Variants in NBAS observed in about 807,000 individuals in gnomAD.
NBAS encodes NAG/BC035112 fusion.
NBAS carries 219 observed loss-of-function variants against 302.5 expected under a neutral mutation model. That is an observed-to-expected ratio of 0.72 (90% CI 0.65 to 0.81). The LOEUF (loss-of-function observed/expected upper bound fraction) is 0.81. Among genes scored for constraint, NBAS ranks in the 30% least tolerant of loss-of-function variants. The pLI is 0.00. For synonymous variants in NBAS, 1,118 were observed against 1,021.6 expected (o/e 1.09, Z -1.80); for missense variants, 2,932 against 2,841.6 (o/e 1.03, Z -0.72).
chr2:14,795,619 A>T, the NBAS span, among the ~76,000 whole-genome samples: 1 of 152,216 alleles, frequency 6.6e-6, no homozygotes, highest in African/African-American at 2.4e-5. Context: ...TCTTGGTGTT[A>T]TATCAAAAAG....
chr2:15,158,463 TC>T, the NBAS span, among the ~76,000 whole-genome samples: 2 of 152,320 alleles, frequency 1.3e-5, no homozygotes, highest in South Asian at 4.1e-4. Flanking sequence ...AATCTGCTCT[TC>T]CTCCTGACAG....
chr2:14,860,623 T>C, the NBAS span, among the ~76,000 whole-genome samples: 1 of 152,156 alleles, frequency 6.6e-6, no homozygotes, highest in Non-Finnish European at 1.5e-5. Context: ...ATATGGGAGC[T>C]ACAAAAGTGA....
the NBAS span, among the ~76,000 whole-genome samples, chr2:14,826,788 C>T: frequency 4.9e-3 from 749 of 152,340 alleles, 11 homozygotes; most frequent in South Asian, 0.036. Flanking sequence ...CCTAAACCTC[C>T]AGTCCCAAAG....
chr2:15,277,961 G>A (rs1306763577), intron 42 of NBAS, among the ~76,000 whole-genome samples: 1 of 152,070 alleles, frequency 6.6e-6, no homozygotes. Flanking sequence ...CCTTCAGGCA[G>A]CCCTGCATTC....
chr2:15,186,691 T>C, intron 50 of NBAS, 51 bp downstream of exon 50: 1 of 1,612,896 alleles, frequency 6.2e-7, no homozygotes. Context: ...AATAAAGAGT[T>C]CTGATAAGCA....
At chr2:15,046,563 T>C in the NBAS span, among the ~76,000 whole-genome samples, 2 of 152,198 alleles carry the variant, frequency 1.3e-5, no homozygotes, top group African/African-American at 4.8e-5. Flanking sequence ...TAACAAGAAG[T>C]GGCTGGTGCT....
the NBAS span, among the ~76,000 whole-genome samples, chr2:14,811,616 A>C: frequency 6.6e-6 from 1 of 152,122 alleles, no homozygotes; most frequent in African/African-American, 2.4e-5. Flanking sequence ...CAGAATATCT[A>C]GTCTGAATGT....
At chr2:14,981,060 A>G in the NBAS span, among the ~76,000 whole-genome samples, 1 of 147,972 alleles carries the variant, frequency 6.8e-6, no homozygotes, top group African/African-American at 2.6e-5. Flanking sequence ...GAAAAAAATG[A>G]GAGGAAAAAA....
chr2:15,429,074 A>G (rs1677630080), intron 21 of NBAS, among the ~76,000 whole-genome samples: 1 of 149,736 alleles, frequency 6.7e-6, no homozygotes, highest in African/African-American at 2.5e-5. Flanking sequence ...ACGGAAAAGC[A>G]AGGTAAACAC....
chr2:15,282,896 T>C (rs1003223537), intron 42 of NBAS, among the ~76,000 whole-genome samples: 3 of 152,186 alleles, frequency 2.0e-5, no homozygotes, highest in Non-Finnish European at 4.4e-5. Context: ...TCTGATGGCC[T>C]GGAATGCCCT....
In NBAS at chr2:15,473,208, A is replaced by T. The variant is rs765166279; in HGVS notation, c.1725+14T>A. Reference sequence around the variant, plus strand: ...ATATACATTTTACCACATTACCAAAATATTTAAACATACCAAATAATTCTG... The same window carrying T: ...ATATACATTTTACCACATTACCAAATTATTTAAACATACCAAATAATTCTG... On this transcript the variant is annotated intron_variant, in intron 16 of 51. Coordinates refer to ENST00000281513, the MANE Select transcript of NBAS (RefSeq NM_015909.4). The T allele has an allele frequency of 3.7e-6, 6 of 1,613,462 alleles. No individual in the cohort carries two copies. In the South Asian group the frequency reaches 5.5e-5, roughly 15 times the overall value.
the NBAS span, among the ~76,000 whole-genome samples, chr2:14,828,906 A>T: frequency 6.6e-6 from 1 of 152,234 alleles, no homozygotes; most frequent in East Asian, 1.9e-4. Flanking sequence ...TCTGAATAAA[A>T]ATATAACAAA....
In NBAS at chr2:15,427,710, C is replaced by T; in HGVS notation, c.2423+1G>A. On this transcript the variant is annotated splice_donor_variant, in intron 22 of 51. Coordinates refer to ENST00000281513, the MANE Select transcript of NBAS (RefSeq NM_015909.4). LOFTEE classifies it high-confidence loss of function. ...GATGCCTCCTGCAGGCTCATACTGA[C>T]CTGCAAGCCAACTCCTCGCACCAAT... 1 of 1,608,866 alleles carries T rather than the reference C, an allele frequency of 6.2e-7. No homozygotes were observed. Among genetic ancestry groups the T allele is most frequent in the Non-Finnish European group, 8.5e-7 (1 of 1,176,740 alleles).
the NBAS span, among the ~76,000 whole-genome samples, chr2:14,809,146 T>C: frequency 1.3e-5 from 2 of 152,166 alleles, no homozygotes; most frequent in African/African-American, 2.4e-5. Context: ...AGCCTGACAA[T>C]GCAATAGAAA....
chr2:15,051,066 G>C, the NBAS span, among the ~76,000 whole-genome samples: 1 of 152,156 alleles, frequency 6.6e-6, no homozygotes, highest in Non-Finnish European at 1.5e-5. Context: ...CTAGCAGAGA[G>C]TCTTGCAAAT....
the NBAS span, among the ~76,000 whole-genome samples, chr2:14,784,844 A>C: frequency 6.6e-6 from 1 of 152,112 alleles, no homozygotes; most frequent in Non-Finnish European, 1.5e-5. Flanking sequence ...AGTTTTTTCC[A>C]ATTCTGTGAA....
chr2:14,827,734 T>C, the NBAS span, among the ~76,000 whole-genome samples: 1 of 152,184 alleles, frequency 6.6e-6, no homozygotes, highest in Admixed American at 6.5e-5. Context: ...ACTTATACGA[T>C]GTATATGAAA....
At chr2:14,795,917 A>G in the NBAS span, among the ~76,000 whole-genome samples, 1 of 152,192 alleles carries the variant, frequency 6.6e-6, no homozygotes, top group East Asian at 1.9e-4. Context: ...GAAGTCATAA[A>G]TATTCTTCTG....
chr2:15,006,567 T>C, the NBAS span, among the ~76,000 whole-genome samples: 1 of 152,168 alleles, frequency 6.6e-6, no homozygotes, highest in African/African-American at 2.4e-5. Flanking sequence ...TATGAAGGAT[T>C]CCCATGAAAA....
Sources: gnomAD v4.1 joint callset for allele counts (sites outside exome capture counted in the v4.1 genomes callset) on GRCh38, gnomAD v4.1.1 for gene constraint, MANE v1.5 for transcripts, NCBI Gene and HGNC (gene_info 2026-07-23, HGNC 2026-07-21) for gene names.